Variants in PTPRD observed in about 807,000 individuals in gnomAD.
The protein encoded by PTPRD is receptor-type tyrosine-protein phosphatase delta.
A neutral mutation model predicts 214.5 loss-of-function variants in PTPRD; 34 were observed. The ratio of observed to expected loss-of-function variants is 0.16; its 90% CI spans 0.12 to 0.21. The LOEUF (loss-of-function observed/expected upper bound fraction) is 0.21, where lower values mean the gene tolerates loss of function less well. Among genes scored for constraint, PTPRD ranks in the 10% least tolerant of loss-of-function variants. The pLI, the probability that PTPRD is intolerant of heterozygous loss-of-function variation, is 1.00. For missense variants in PTPRD, 2,545 were observed against 2,398.7 expected, an observed-to-expected ratio of 1.06 and a Z score of -1.27; for synonymous variants, 1,128 against 845.7, an observed-to-expected ratio of 1.33 and a Z score of -5.79.
chr9:9,242,205 G>A lies in PTPRD; in HGVS notation c.-202-58842C>T, dbSNP rs1226729754. Among the ~76,000 whole-genome samples the A allele has an allele frequency of 1.3e-4, 20 of 152,222 alleles. No homozygotes were observed. The East Asian group carries it at 3.3e-3, about 25-fold the overall frequency. ...TCTTCTGGCTTGTAGAGTTTCTGCC[G>A]AGAAATCAGCTGTTAGTCTGATGGG... On this transcript the variant is annotated intron_variant, in intron 9 of 45. Transcript: ENST00000381196.
At position 10,425,347 on chromosome 9, in the gene PTPRD, C is replaced by G. The variant is rs553489610; in HGVS notation, c.-599-84330G>C. On this transcript the variant is annotated intron_variant, in intron 2 of 45. Transcript: ENST00000381196. ...CAACACATTAAACCAATATTTCCCT[C>G]TTCTATTACCTATCATAGTCACCAG... 2.0e-5 allele frequency among the ~76,000 whole-genome samples: 3 copies of G among 152,094 alleles called. No individual in the cohort carries two copies. The South Asian group carries it at 6.2e-4, about 32-fold the overall frequency.
chr9:9,173,930 T>C (rs1329176643), intron 10 of PTPRD, among the ~76,000 whole-genome samples: 1 of 152,086 alleles, frequency 6.6e-6, no homozygotes, highest in African/African-American at 2.4e-5. Context: ...CATGCTCTTA[T>C]GTTAGCCTAT....
At chr9:8,595,163 C>T (rs1279635786) in intron 14 of PTPRD, among the ~76,000 whole-genome samples, 1 of 145,814 alleles carries the variant, frequency 6.9e-6, no homozygotes, top group African/African-American at 2.7e-5. Flanking sequence ...ACACCCAGCC[C>T]CTAAACCTGT....
chr9:8,378,830 G>C (rs997951916), intron 37 of PTPRD, among the ~76,000 whole-genome samples: 2 of 151,912 alleles, frequency 1.3e-5, no homozygotes, highest in African/African-American at 2.4e-5. Flanking sequence ...ATGAAGGAAA[G>C]AATGAGAAGG....
chr9:9,073,845 T>TA (rs1348183739), intron 10 of PTPRD, among the ~76,000 whole-genome samples: 2 of 152,048 alleles, frequency 1.3e-5, no homozygotes, highest in African/African-American at 4.8e-5. Flanking sequence ...CAAAATCCAT[T>TA]AAAAATCCTC....
At chr9:8,747,087 T>C (rs1417072447) in intron 11 of PTPRD, among the ~76,000 whole-genome samples, 1 of 152,220 alleles carries the variant, frequency 6.6e-6, no homozygotes, top group African/African-American at 2.4e-5. Flanking sequence ...CTCTATCTTT[T>C]GTGGTGTACC....
At chr9:9,312,874 T>C (rs1301049023) in intron 9 of PTPRD, among the ~76,000 whole-genome samples, 1 of 152,238 alleles carries the variant, frequency 6.6e-6, no homozygotes, top group Non-Finnish European at 1.5e-5. Flanking sequence ...TTGTTTATTT[T>C]TGAACTACGT....
intron 2 of PTPRD, among the ~76,000 whole-genome samples, chr9:10,593,897 G>A (rs998477917): frequency 3.3e-5 from 5 of 151,874 alleles, no homozygotes; most frequent in African/African-American, 9.7e-5. Flanking sequence ...GCCCCAAATG[G>A]TGCTTTCTCT....
intron 4 of PTPRD, among the ~76,000 whole-genome samples, chr9:9,981,533 A>AC (rs200773228): frequency 8.0e-5 from 12 of 150,372 alleles, no homozygotes; most frequent in African/African-American, 7.4e-5. Flanking sequence ...TTTTTTTTGT[A>AC]TTTTTTTTAC....
intron 5 of PTPRD, among the ~76,000 whole-genome samples, chr9:9,926,393 G>T (rs781513102): frequency 6.6e-6 from 1 of 152,076 alleles, no homozygotes; most frequent in African/African-American, 2.4e-5. Flanking sequence ...AAATTGTGTT[G>T]AAGGGGATAA....
chr9:9,351,612 C>G (rs961490450), intron 9 of PTPRD, among the ~76,000 whole-genome samples: 1 of 151,966 alleles, frequency 6.6e-6, no homozygotes. Context: ...GTACAGCAAA[C>G]CAAGAAGCCT....
chr9:9,235,860 T>TTG (rs2099966317), intron 9 of PTPRD, among the ~76,000 whole-genome samples: 1 of 148,920 alleles, frequency 6.7e-6, no homozygotes, highest in African/African-American at 2.4e-5. Flanking sequence ...TGACTTTTTT[T>TTG]TTGTTGTTGT....
intron 27 of PTPRD, among the ~76,000 whole-genome samples, chr9:8,487,923 G>C (rs551587871): frequency 6.6e-6 from 1 of 152,122 alleles, no homozygotes; most frequent in Non-Finnish European, 1.5e-5. Context: ...TAGCCACTCA[G>C]GGGGCTGAGG....
chr9:10,001,258 C>T (rs72692774), intron 4 of PTPRD, among the ~76,000 whole-genome samples: 33,980 of 151,840 alleles, frequency 0.22, 4,752 homozygotes, highest in South Asian at 0.3. Context: ...GAAAAATGAA[C>T]CGAGCCCCCA....
intron 3 of PTPRD, among the ~76,000 whole-genome samples, chr9:10,106,726 T>C (rs1022212911): frequency 6.6e-6 from 1 of 151,940 alleles, no homozygotes; most frequent in Non-Finnish European, 1.5e-5. Context: ...TAAAAACGTG[T>C]CTTTCTCTTT....
chr9:8,956,628 T>C (rs2099133014), intron 11 of PTPRD, among the ~76,000 whole-genome samples: 1 of 151,804 alleles, frequency 6.6e-6, no homozygotes, highest in Non-Finnish European at 1.5e-5. Context: ...GATCAAGGAT[T>C]GGAGCTATGT....
At chr9:8,362,450 G>C (rs1447538832) in intron 39 of PTPRD, among the ~76,000 whole-genome samples, 1 of 152,148 alleles carries the variant, frequency 6.6e-6, no homozygotes, top group Non-Finnish European at 1.5e-5. Context: ...TTGTAGAGGA[G>C]GATTTTTGTG....
chr9:9,980,621 A>C (rs867386031), intron 4 of PTPRD, among the ~76,000 whole-genome samples: 3,978 of 118,998 alleles, frequency 0.033, 215 homozygotes, highest in African/African-American at 0.14. Context: ...AAAAAAACAA[A>C]AAAAAAAAAA....
chr9:8,692,246 C>G (rs1448976949), intron 12 of PTPRD, among the ~76,000 whole-genome samples: 1 of 152,214 alleles, frequency 6.6e-6, no homozygotes, highest in African/African-American at 2.4e-5. Context: ...ATCTCAGTAG[C>G]TGAACACAAT....
Sources: allele counts gnomAD v4.1 joint callset (sites outside exome capture counted in the v4.1 genomes callset), GRCh38; gene constraint gnomAD v4.1.1; transcripts MANE v1.5; gene names NCBI Gene and HGNC (gene_info 2026-07-23, HGNC 2026-07-21).